The following MACROD2 variants were observed in gnomAD, a reference collection of about 807,000 sequenced individuals.
MACROD2 encodes mono-ADP ribosylhydrolase 2.
In MACROD2, 36 loss-of-function variants were observed where a neutral mutation model predicts 70.4. The ratio of observed to expected loss-of-function variants is 0.51; its 90% CI spans 0.39 to 0.68. The LOEUF (loss-of-function observed/expected upper bound fraction) is 0.68. Ranked by LOEUF, MACROD2 falls within the 30% of genes least tolerant of loss-of-function variation. The pLI, the probability that MACROD2 is intolerant of heterozygous loss-of-function variation, is 0.00. For synonymous variants in MACROD2, 172 were observed against 178.8 expected (o/e 0.96, Z 0.30); for missense variants, 496 against 538.4 (o/e 0.92, Z 0.78).
intron 5 of MACROD2, among the ~76,000 whole-genome samples, chr20:14,925,721 GACA>G (rs1468545330): frequency 6.6e-6 from 1 of 152,172 alleles, no homozygotes; most frequent in Non-Finnish European, 1.5e-5. Context: ...CACAGAGTAT[GACA>G]ACATCTCTAC....
chr20:14,256,139 G>T (rs17263597), intron 3 of MACROD2, among the ~76,000 whole-genome samples: 56,623 of 151,806 alleles, frequency 0.37, 12,310 homozygotes, highest in African/African-American at 0.58. Context: ...GCCTAAATCT[G>T]TCCGTATTCT....
chr20:14,556,902 G>A (rs1031474044), intron 4 of MACROD2, among the ~76,000 whole-genome samples: 1 of 151,892 alleles, frequency 6.6e-6, no homozygotes, highest in African/African-American at 2.4e-5. Flanking sequence ...GGAAATGCAA[G>A]GGACCCAGGA....
intron 6 of MACROD2, among the ~76,000 whole-genome samples, chr20:15,244,748 T>C (rs35395273): frequency 0.16 from 23,725 of 152,176 alleles, 2,300 homozygotes; most frequent in African/African-American, 0.28. Flanking sequence ...TAGTACAACA[T>C]TTTTTTAAAT....
chr20:15,838,137 G>A (rs1422516805), intron 8 of MACROD2, among the ~76,000 whole-genome samples: 1 of 151,894 alleles, frequency 6.6e-6, no homozygotes, highest in Non-Finnish European at 1.5e-5. Flanking sequence ...TTTTGACCTA[G>A]AATATCAAGC....
At chr20:14,498,367 A>G (rs2084879094) in intron 4 of MACROD2, among the ~76,000 whole-genome samples, 1 of 152,246 alleles carries the variant, frequency 6.6e-6, no homozygotes, top group South Asian at 2.1e-4. Flanking sequence ...GTGCATCTCC[A>G]CACACCCATC....
At chr20:15,786,161 T>TAAA (rs10641335) in intron 8 of MACROD2, among the ~76,000 whole-genome samples, 1,833 of 144,666 alleles carry the variant, frequency 0.013, 43 homozygotes, top group African/African-American at 0.044. Flanking sequence ...TTAACAATAT[T>TAAA]AAAAAAAAAA....
At chr20:14,644,165 G>A (rs1985246363) in intron 4 of MACROD2, among the ~76,000 whole-genome samples, 1 of 152,096 alleles carries the variant, frequency 6.6e-6, no homozygotes, top group Non-Finnish European at 1.5e-5. Flanking sequence ...CAGTGAACTT[G>A]GATTACAGTT....
intron 3 of MACROD2, among the ~76,000 whole-genome samples, chr20:14,213,390 C>T (rs1343304215): frequency 1.3e-4 from 3 of 23,300 alleles, no homozygotes; most frequent in Admixed American, 4.9e-4. Flanking sequence ...AAAAAAAGGC[C>T]AATTATAAGA....
intron 10 of MACROD2, among the ~76,000 whole-genome samples, chr20:15,909,094 A>T (rs183566129): frequency 6.6e-6 from 1 of 152,348 alleles, no homozygotes; most frequent in Non-Finnish European, 1.5e-5. Context: ...AGGCTGAAAT[A>T]TCCAGGGCTT....
intron 8 of MACROD2, among the ~76,000 whole-genome samples, chr20:15,772,662 A>G (rs1051502206): frequency 6.6e-6 from 1 of 152,140 alleles, no homozygotes; most frequent in African/African-American, 2.4e-5. Flanking sequence ...ATCATGGCAG[A>G]AGACGAAGGG....
At chr20:14,636,145 G>A (rs1568712601) in intron 4 of MACROD2, among the ~76,000 whole-genome samples, 1 of 152,234 alleles carries the variant, frequency 6.6e-6, no homozygotes, top group East Asian at 1.9e-4. Context: ...ATAAGAATAA[G>A]AGTTCTATGA....
chr20:14,707,135 C>T (rs2071279085), intron 5 of MACROD2, among the ~76,000 whole-genome samples: 1 of 152,064 alleles, frequency 6.6e-6, no homozygotes, highest in South Asian at 2.1e-4. Context: ...TGTAACTTTG[C>T]AGAATTGAGT....
chr20:15,574,013 C>A (rs1197343176), intron 8 of MACROD2, among the ~76,000 whole-genome samples: 3 of 152,120 alleles, frequency 2.0e-5, no homozygotes, highest in African/African-American at 7.2e-5. Context: ...ACACCTTAGA[C>A]CTTGGTCCAG....
intron 3 of MACROD2, among the ~76,000 whole-genome samples, chr20:14,293,358 A>T (rs2082401296): frequency 6.6e-6 from 1 of 151,874 alleles, no homozygotes; most frequent in Non-Finnish European, 1.5e-5. Flanking sequence ...AGAACTCAGA[A>T]GAAAAAAGTA....
At chr20:15,075,328 ATTAG>A (rs150888900) in intron 5 of MACROD2, among the ~76,000 whole-genome samples, 1 of 152,356 alleles carries the variant, frequency 6.6e-6, no homozygotes, top group Non-Finnish European at 1.5e-5. Flanking sequence ...ATTGTATTTT[ATTAG>A]TTCTCTGCTT....
intron 8 of MACROD2, among the ~76,000 whole-genome samples, chr20:15,760,126 G>A (rs1186949538): frequency 7.2e-5 from 11 of 152,078 alleles, no homozygotes; most frequent in South Asian, 2.1e-4. Context: ...TCAGACACTC[G>A]TGGGATCAAA....
intron 5 of MACROD2, among the ~76,000 whole-genome samples, chr20:14,961,354 A>G (rs2122767335): frequency 6.6e-6 from 1 of 152,208 alleles, no homozygotes; most frequent in Non-Finnish European, 1.5e-5. Context: ...TTCAGGAATT[A>G]TAGAATATAT....
chr20:15,587,742 G>A (rs1229139316), intron 8 of MACROD2, among the ~76,000 whole-genome samples: 1 of 152,202 alleles, frequency 6.6e-6, no homozygotes, highest in South Asian at 2.1e-4. Flanking sequence ...TTGACTCCAG[G>A]TCTCACATCC....
chr20:15,226,942 G>C (rs1416033661), intron 5 of MACROD2, among the ~76,000 whole-genome samples: 1 of 152,118 alleles, frequency 6.6e-6, no homozygotes, highest in Non-Finnish European at 1.5e-5. Context: ...TCCACACTGA[G>C]AAAATGAGAA....
Sources: allele counts gnomAD v4.1 joint callset (sites outside exome capture counted in the v4.1 genomes callset), GRCh38; gene constraint gnomAD v4.1.1; transcripts MANE v1.5; gene names NCBI Gene and HGNC (gene_info 2026-07-23, HGNC 2026-07-21).